Variants in NAA11 observed in about 807,000 individuals in gnomAD.
The protein encoded by NAA11 is N-alpha-acetyltransferase 11.
Under a neutral mutation model 16.1 loss-of-function variants are expected in NAA11, and 15 were observed. The observed-to-expected ratio is 0.93, with a 90% CI of 0.62 to 1.44. The LOEUF (loss-of-function observed/expected upper bound fraction) is 1.44. NAA11 is among the 40% of genes most tolerant of loss of function. The probability of loss-of-function intolerance (pLI) is 0.00; values close to 1 mark genes in which losing one functional copy is unlikely to be tolerated. For synonymous variants in NAA11, 122 were observed against 112.4 expected (o/e 1.09, Z -0.54); for missense variants, 298 against 291.3 (o/e 1.02, Z -0.17).
chr4:79,199,519 G>T, the NAA11 span, among the ~76,000 whole-genome samples: 2 of 151,858 alleles, frequency 1.3e-5, no homozygotes, highest in African/African-American at 2.4e-5. Flanking sequence ...ATTTGAAAGC[G>T]AGTGACAAAA....
chr4:79,181,224 T>A, the NAA11 span, among the ~76,000 whole-genome samples: 5 of 147,250 alleles, frequency 3.4e-5, no homozygotes, highest in African/African-American at 7.5e-5. Flanking sequence ...GAACTTAAAG[T>A]ATTAAAAAAA....
chr4:79,305,673 A>G (rs1393946381), intron 1 of NAA11, among the ~76,000 whole-genome samples: 2 of 152,198 alleles, frequency 1.3e-5, no homozygotes, highest in Non-Finnish European at 2.9e-5. Flanking sequence ...ATGTGATCTT[A>G]TCATTTGATT....
intron 2 of NAA11, among the ~76,000 whole-genome samples, chr4:79,262,516 A>G (rs1455180177): frequency 6.6e-6 from 1 of 151,872 alleles, no homozygotes; most frequent in East Asian, 1.9e-4. Context: ...TATAGGGGGG[A>G]ATAGGGAAAT....
At chr4:79,231,567 A>G (rs899344487) in intron 2 of NAA11, among the ~76,000 whole-genome samples, 1 of 151,940 alleles carries the variant, frequency 6.6e-6, no homozygotes, top group African/African-American at 2.4e-5. Context: ...TTGAAAAATT[A>G]TATGAATCCC....
chr4:79,216,763 T>A, the NAA11 span, among the ~76,000 whole-genome samples: 1 of 152,284 alleles, frequency 6.6e-6, no homozygotes, highest in African/African-American at 2.4e-5. Flanking sequence ...AGAACTTGAC[T>A]TCATGAGCTT....
the NAA11 span, among the ~76,000 whole-genome samples, chr4:79,187,850 T>G: frequency 6.6e-6 from 1 of 151,296 alleles, no homozygotes; most frequent in African/African-American, 2.4e-5. Flanking sequence ...ACAAAAAAAA[T>G]TAGCCGGGCA....
chr4:79,166,011 T>C, the NAA11 span, among the ~76,000 whole-genome samples: 1 of 152,200 alleles, frequency 6.6e-6, no homozygotes, highest in Non-Finnish European at 1.5e-5. Flanking sequence ...TTACTCTCTA[T>C]TAATTGAGGA....
chr4:79,166,517 A>G, the NAA11 span, among the ~76,000 whole-genome samples: 2 of 148,498 alleles, frequency 1.3e-5, no homozygotes, highest in Admixed American at 6.7e-5. Context: ...ATACCTGCCT[A>G]TTACTTTTTT....
intron 2 of NAA11, among the ~76,000 whole-genome samples, chr4:79,265,848 C>A (rs1722333290): frequency 1.3e-5 from 2 of 151,896 alleles, no homozygotes; most frequent in Admixed American, 1.3e-4. Flanking sequence ...AGCTCCTGGC[C>A]CAAGTAATCC....
chr4:79,164,506 C>T, the NAA11 span, among the ~76,000 whole-genome samples: 2 of 152,050 alleles, frequency 1.3e-5, no homozygotes, highest in Non-Finnish European at 2.9e-5. Flanking sequence ...ACAGAAAATA[C>T]GCTTGATGAG....
At chr4:79,294,345 C>T (rs563351916) in intron 1 of NAA11, among the ~76,000 whole-genome samples, 3 of 152,178 alleles carry the variant, frequency 2.0e-5, no homozygotes, top group Admixed American at 6.5e-5. Flanking sequence ...AATCTAGCTG[C>T]GAAAACTAGA....
At chr4:79,245,351 G>A (rs192991657) in intron 2 of NAA11, 78 of 153,388 alleles carry the variant, frequency 5.1e-4, no homozygotes, top group Middle Eastern at 7.5e-3. Flanking sequence ...GCCTCTGCCC[G>A]GCCGCCCTGT....
At chr4:79,194,211 G>A in the NAA11 span, among the ~76,000 whole-genome samples, 13 of 148,954 alleles carry the variant, frequency 8.7e-5, no homozygotes, top group South Asian at 1.1e-3. Context: ...GAATACTGTC[G>A]TTGGTAATTT....
chr4:79,251,455 C>T (rs1010262375), intron 2 of NAA11, among the ~76,000 whole-genome samples: 1 of 152,136 alleles, frequency 6.6e-6, no homozygotes, highest in Non-Finnish European at 1.5e-5. Flanking sequence ...AAGGGAACAA[C>T]AGACACTGGG....
At chr4:79,302,262 C>G (rs955928298) in intron 1 of NAA11, among the ~76,000 whole-genome samples, 35 of 152,182 alleles carry the variant, frequency 2.3e-4, no homozygotes, top group Non-Finnish European at 1.5e-4. Context: ...TAAATCATAT[C>G]TTCTCTTTCC....
At chr4:79,303,075 T>TA (rs1560462932) in intron 1 of NAA11, among the ~76,000 whole-genome samples, 1 of 84,696 alleles carries the variant, frequency 1.2e-5, no homozygotes, top group Non-Finnish European at 2.1e-5. Flanking sequence ...CTTGAGGCCT[T>TA]TTATATATAT....
chr4:79,246,448 ATTAAT>A (rs1183309709), intron 2 of NAA11, among the ~76,000 whole-genome samples: 1 of 151,880 alleles, frequency 6.6e-6, no homozygotes, highest in Non-Finnish European at 1.5e-5. Context: ...TACTCCAAAT[ATTAAT>A]TTAAAGAATC....
chr4:79,203,123 C>T, the NAA11 span, among the ~76,000 whole-genome samples: 1 of 151,458 alleles, frequency 6.6e-6, no homozygotes, highest in Non-Finnish European at 1.5e-5. Flanking sequence ...GCTTTGCTTG[C>T]AGAATTATCT....
the NAA11 span, among the ~76,000 whole-genome samples, chr4:79,168,157 GAC>G: frequency 6.6e-6 from 1 of 152,184 alleles, no homozygotes; most frequent in Admixed American, 6.5e-5. Context: ...TGCTGAGAAT[GAC>G]AGTTTCCAGT....
Sources: allele counts gnomAD v4.1 joint callset (sites outside exome capture counted in the v4.1 genomes callset), GRCh38; gene constraint gnomAD v4.1.1; transcripts MANE v1.5; gene names NCBI Gene and HGNC (gene_info 2026-07-23, HGNC 2026-07-21).